COL5A2: variants seen among roughly 807,000 people sequenced by gnomAD.
COL5A2 encodes the protein collagen alpha-2(V) chain.
A neutral mutation model predicts 208.2 loss-of-function variants in COL5A2; 23 were observed. That is an observed-to-expected ratio of 0.11 (90% CI 0.08 to 0.16). The LOEUF is 0.16. COL5A2 is among the 10% of genes least tolerant of loss of function. The pLI is 1.00. For missense variants in COL5A2, 1,590 were observed against 1,956.4 expected, an observed-to-expected ratio of 0.81 and a Z score of 3.53; for synonymous variants, 625 against 628.5, an observed-to-expected ratio of 0.99 and a Z score of 0.08.
the COL5A2 span, among the ~76,000 whole-genome samples, chr2:189,256,912 G>A: frequency 1.3e-5 from 2 of 152,226 alleles, no homozygotes; most frequent in Non-Finnish European, 1.5e-5. Context: ...ACAGGCGTAA[G>A]CCACCGCGCC....
chr2:189,316,888 G>A, the COL5A2 span, among the ~76,000 whole-genome samples: 1 of 151,776 alleles, frequency 6.6e-6, no homozygotes, highest in East Asian at 1.9e-4. Flanking sequence ...ACTTAAAAGT[G>A]TAGTCAGATT....
chr2:189,246,723 C>T, the COL5A2 span, among the ~76,000 whole-genome samples: 2 of 152,174 alleles, frequency 1.3e-5, no homozygotes, highest in Non-Finnish European at 2.9e-5. Flanking sequence ...AATGGGCATA[C>T]AGAGAGCAGG....
intron 1 of COL5A2, among the ~76,000 whole-genome samples, chr2:189,163,871 A>G (rs1688416784): frequency 1.3e-5 from 2 of 152,218 alleles, no homozygotes; most frequent in African/African-American, 4.8e-5. Context: ...CAAAATCACC[A>G]AGTTAGTCCA....
the COL5A2 span, among the ~76,000 whole-genome samples, chr2:189,335,162 T>C: frequency 6.6e-6 from 1 of 151,962 alleles, no homozygotes; most frequent in Non-Finnish European, 1.5e-5. Flanking sequence ...ACCTTGAGGG[T>C]AGTCAAACAG....
At chr2:189,312,176 G>A in the COL5A2 span, among the ~76,000 whole-genome samples, 1 of 152,032 alleles carries the variant, frequency 6.6e-6, no homozygotes, top group African/African-American at 2.4e-5. Context: ...CTCTGACCTG[G>A]GGTCCCTTCT....
At chr2:189,297,553 AACTT>A in the COL5A2 span, among the ~76,000 whole-genome samples, 7,267 of 152,262 alleles carry the variant, frequency 0.048, 203 homozygotes, top group African/African-American at 0.073. Context: ...ATATAACTGA[AACTT>A]ACTTATTATT....
At chr2:189,165,298 G>A (rs1233185893) in intron 1 of COL5A2, among the ~76,000 whole-genome samples, 3 of 152,104 alleles carry the variant, frequency 2.0e-5, no homozygotes, top group Non-Finnish European at 4.4e-5. Context: ...GGAAAAACAT[G>A]AGATAAGTAA....
the COL5A2 span, among the ~76,000 whole-genome samples, chr2:189,400,760 A>C: frequency 1.3e-5 from 2 of 152,220 alleles, no homozygotes; most frequent in Non-Finnish European, 2.9e-5. Context: ...TCCTTTTGCA[A>C]ATGTTCTGAG....
chr2:189,324,880 C>T, the COL5A2 span, among the ~76,000 whole-genome samples: 281 of 152,172 alleles, frequency 1.8e-3, no homozygotes, highest in Non-Finnish European at 3.2e-3. Context: ...ATGTCTATTG[C>T]GGCACTACTC....
intron 35 of COL5A2, 42 bp from the exon 36 acceptor site, chr2:189,054,254 C>A: frequency 7.1e-7 from 1 of 1,415,226 alleles, no homozygotes; most frequent in Non-Finnish European, 1.0e-6. Flanking sequence ...GTAAAAAATG[C>A]ACAGAAATCT....
intron 1 of COL5A2, among the ~76,000 whole-genome samples, chr2:189,124,900 G>A (rs977504267): frequency 2.0e-5 from 3 of 151,916 alleles, no homozygotes; most frequent in African/African-American, 4.8e-5. Context: ...TGAAATAAAT[G>A]TAATTGCTCA....
intron 27 of COL5A2, 30 bp from the exon 28 acceptor site, chr2:189,063,093 T>G (rs758224517): frequency 6.2e-7 from 1 of 1,613,626 alleles, no homozygotes; most frequent in South Asian, 1.1e-5. Context: ...TTTGTATAAT[T>G]CCTTCAATTT....
chr2:189,057,803 C>A (rs1685934232), intron 33 of COL5A2, among the ~76,000 whole-genome samples: 1 of 151,960 alleles, frequency 6.6e-6, no homozygotes, highest in African/African-American at 2.4e-5. Flanking sequence ...TTGATATTAA[C>A]CTGGTTTTCA....
chr2:189,276,805 G>A, the COL5A2 span, among the ~76,000 whole-genome samples: 1 of 151,922 alleles, frequency 6.6e-6, no homozygotes, highest in Admixed American at 6.6e-5. Context: ...CATACCTTCT[G>A]GTAGTTTTCT....
At chr2:189,380,016 C>G in the COL5A2 span, among the ~76,000 whole-genome samples, 2 of 151,824 alleles carry the variant, frequency 1.3e-5, no homozygotes, top group African/African-American at 4.8e-5. Context: ...TATAACTCCT[C>G]TTAAAGGGAG....
At chr2:189,132,259 A>G (rs1687730513) in intron 1 of COL5A2, among the ~76,000 whole-genome samples, 1 of 152,232 alleles carries the variant, frequency 6.6e-6, no homozygotes, top group Admixed American at 6.5e-5. Context: ...CCTAAATAAC[A>G]GTATCATTTT....
At chr2:189,052,313 T>A in intron 40 of COL5A2, 88 bp from the exon 41 acceptor site, 4 of 1,228,616 alleles carry the variant, frequency 3.3e-6, no homozygotes, top group Non-Finnish European at 4.8e-6. Context: ...ACAGGAAGAC[T>A]GAAGCCTTTA....
At chr2:189,416,020 C>T in the COL5A2 span, among the ~76,000 whole-genome samples, 1 of 152,122 alleles carries the variant, frequency 6.6e-6, no homozygotes, top group Non-Finnish European at 1.5e-5. Flanking sequence ...AATAATTTTC[C>T]CTGAATAATA....
chr2:189,227,540 C>T (rs970780833), upstream of COL5A2, among the ~76,000 whole-genome samples: 7 of 151,794 alleles, frequency 4.6e-5, no homozygotes, highest in Non-Finnish European at 8.8e-5. Context: ...TTGACGTAAT[C>T]GGTAATCAAA....
Sources: gnomAD v4.1 joint callset for allele counts (sites outside exome capture counted in the v4.1 genomes callset) on GRCh38, gnomAD v4.1.1 for gene constraint, MANE v1.5 for transcripts, NCBI Gene and HGNC (gene_info 2026-07-23, HGNC 2026-07-21) for gene names.